Variants in PCTP observed in about 807,000 individuals in gnomAD.
PCTP encodes the protein START domain-containing protein 2.
PCTP carries 27 observed loss-of-function variants against 31.0 expected under a neutral mutation model. The ratio of observed to expected loss-of-function variants is 0.87; its 90% CI spans 0.64 to 1.20. The LOEUF is 1.20. PCTP is among the 50% of genes most tolerant of loss of function. The pLI is 0.00. For missense variants in PCTP, 287 were observed against 268.2 expected (o/e 1.07, Z -0.49); for synonymous variants, 108 against 101.2 (o/e 1.07, Z -0.40).
At chr17:55,795,422 G>C (rs1028312331) in intron 3 of PCTP, among the ~76,000 whole-genome samples, 1 of 152,156 alleles carries the variant, frequency 6.6e-6, no homozygotes, top group East Asian at 1.9e-4. Context: ...ATAAAGGGGA[G>C]TGGGGGTTGC....
chr17:55,788,763 A>G (rs1911844927), intron 3 of PCTP, among the ~76,000 whole-genome samples: 1 of 152,176 alleles, frequency 6.6e-6, no homozygotes. Flanking sequence ...GAAATTTTTC[A>G]TGCTAAAATG....
chr17:55,827,457 C>T (rs1157836395), downstream of PCTP, among the ~76,000 whole-genome samples: 4 of 152,246 alleles, frequency 2.6e-5, no homozygotes, highest in African/African-American at 9.6e-5. Flanking sequence ...AACAAGAATG[C>T]TCAGCTGATG....
downstream of PCTP, among the ~76,000 whole-genome samples, chr17:55,825,077 A>G (rs950993162): frequency 6.6e-6 from 1 of 152,194 alleles, no homozygotes. Context: ...AAATTTTTTT[A>G]ATGTCTTTTC....
chr17:55,833,150 A>G (rs1905661891), intron 5 of PCTP, among the ~76,000 whole-genome samples: 1 of 152,212 alleles, frequency 6.6e-6, no homozygotes. Flanking sequence ...TTTGAGCAAC[A>G]TCATAGATGT....
chr17:55,783,076 A>C (rs1413725941), intron 2 of PCTP, among the ~76,000 whole-genome samples: 2 of 152,244 alleles, frequency 1.3e-5, no homozygotes, highest in Non-Finnish European at 1.5e-5. Flanking sequence ...AGGTCCAAAA[A>C]AAAATGTATT....
intron 3 of PCTP, among the ~76,000 whole-genome samples, chr17:55,805,369 C>G (rs1912541087): frequency 6.6e-6 from 1 of 152,044 alleles, no homozygotes; most frequent in Non-Finnish European, 1.5e-5. Flanking sequence ...CCCACCTTCC[C>G]CCATTTTGTA....
intron 1 of PCTP, among the ~76,000 whole-genome samples, chr17:55,765,274 A>C (rs748757319): frequency 6.6e-6 from 1 of 152,204 alleles, no homozygotes; most frequent in Admixed American, 6.5e-5. Flanking sequence ...GTAGCTGCCT[A>C]TGTGACACCC....
chr17:55,798,596 A>AAT (rs1912263226), intron 3 of PCTP, among the ~76,000 whole-genome samples: 1 of 152,000 alleles, frequency 6.6e-6, no homozygotes, highest in South Asian at 2.1e-4. Context: ...ATACTGAAAG[A>AAT]ATAAAAAACT....
intron 3 of PCTP, among the ~76,000 whole-genome samples, chr17:55,793,510 C>G (rs1157834358): frequency 6.6e-6 from 1 of 152,058 alleles, no homozygotes; most frequent in Non-Finnish European, 1.5e-5. Context: ...AAACCACTTC[C>G]TACAGAGAGA....
Position 55,777,146 on chromosome 17 carries a change from C to G in PCTP, c.*1046C>G, listed in dbSNP as rs1911378968. On this transcript the variant is annotated 3_prime_UTR_variant, in exon 6 of 6. Coordinates refer to ENST00000268896, the MANE Select transcript of PCTP (RefSeq NM_021213.4). The stretch of plus-strand genomic sequence containing the variant: ...AGACTTTTAGTTTTCTATGCTTTCT[C>G]CTGAATTTTGGTAGGGTAAGGTATT... 1 of 985,680 alleles carries G rather than the reference C, an allele frequency of 1.0e-6. No homozygotes were observed. The highest frequency in any genetic ancestry group is 6.2e-5 in the Admixed American group (1 of 16,260). 61.1% of individuals were successfully genotyped at this position (985,680 alleles called of 1,614,324 possible).
intron 3 of PCTP, among the ~76,000 whole-genome samples, chr17:55,800,028 G>C (rs1252565382): frequency 2.0e-5 from 3 of 151,966 alleles, no homozygotes; most frequent in African/African-American, 7.2e-5. Flanking sequence ...TTTCAACCTT[G>C]GTGAATCTGA....
intron 2 of PCTP, among the ~76,000 whole-genome samples, chr17:55,783,853 C>T (rs1473278711): frequency 4.6e-5 from 7 of 152,142 alleles, no homozygotes; most frequent in South Asian, 2.1e-4. Flanking sequence ...GTGACTTCAG[C>T]GACGGTGCCG....
At chr17:55,801,826 A>G (rs968421818) in intron 3 of PCTP, among the ~76,000 whole-genome samples, 2 of 152,110 alleles carry the variant, frequency 1.3e-5, no homozygotes, top group African/African-American at 4.8e-5. Flanking sequence ...AGAGCAAACA[A>G]ATTCAAAAGC....
chr17:55,770,994 A>C, intron 2 of PCTP, 112 bp from the exon 3 acceptor site: 1 of 770,124 alleles, frequency 1.3e-6, no homozygotes, highest in Non-Finnish European at 2.2e-6. Flanking sequence ...TGGCCTCAAA[A>C]AGTGCTGGGA....
At chr17:55,825,075 T>C (rs1229171436), downstream of PCTP, among the ~76,000 whole-genome samples, 1 of 152,208 alleles carries the variant, frequency 6.6e-6, no homozygotes, top group African/African-American at 2.4e-5. Flanking sequence ...ACAAATTTTT[T>C]TAATGTCTTT....
the PCTP span, among the ~76,000 whole-genome samples, chr17:55,849,146 A>G: frequency 6.6e-6 from 1 of 152,194 alleles, no homozygotes; most frequent in African/African-American, 2.4e-5. Context: ...ATAGGAAAAG[A>G]TGAAAAAGTA....
At chr17:55,763,033 A>T (rs1159605322) in intron 1 of PCTP, among the ~76,000 whole-genome samples, 1 of 152,212 alleles carries the variant, frequency 6.6e-6, no homozygotes, top group Non-Finnish European at 1.5e-5. Context: ...TTTAGTCTAG[A>T]TAAGGAAATT....
chr17:55,761,626 T>C (rs1380230722), intron 1 of PCTP, among the ~76,000 whole-genome samples: 1 of 148,270 alleles, frequency 6.7e-6, no homozygotes, highest in Non-Finnish European at 1.5e-5. Flanking sequence ...AATATTTCTA[T>C]ATATATTTAT....
At chr17:55,774,039 A>C in intron 4 of PCTP, 144 bp downstream of exon 4, 1 of 948,166 alleles carries the variant, frequency 1.1e-6, no homozygotes. Context: ...CAGGATCAGC[A>C]CCTAGAGAGA....
Sources: allele counts gnomAD v4.1 joint callset (sites outside exome capture counted in the v4.1 genomes callset), GRCh38; gene constraint gnomAD v4.1.1; transcripts MANE v1.5; gene names NCBI Gene and HGNC (gene_info 2026-07-23, HGNC 2026-07-21).